The following CDH9 variants were observed in gnomAD, a reference collection of about 807,000 sequenced individuals.
CDH9 encodes cadherin 9.
In CDH9, 28 loss-of-function variants were observed where a neutral mutation model predicts 70.9. The observed-to-expected ratio is 0.40, with a 90% CI of 0.29 to 0.54. The LOEUF is 0.54. Among genes scored for constraint, CDH9 ranks in the 20% least tolerant of loss-of-function variants. The pLI, the probability that CDH9 is intolerant of heterozygous loss-of-function variation, is 0.59. For synonymous variants in CDH9, 409 were observed against 343.1 expected, an observed-to-expected ratio of 1.19 and a Z score of -2.12; for missense variants, 874 against 984.4, an observed-to-expected ratio of 0.89 and a Z score of 1.50.
At chr5:26,921,455 C>T (rs919701716) in intron 2 of CDH9, among the ~76,000 whole-genome samples, 1 of 152,032 alleles carries the variant, frequency 6.6e-6, no homozygotes, top group South Asian at 2.1e-4. Context: ...CACATGCACA[C>T]CAAGTAATAG....
chr5:26,897,194 A>G lies in CDH9; in HGVS notation c.1253+5282T>C, dbSNP rs1248218654. On this transcript the variant is annotated intron_variant, in intron 7 of 11. Coordinates refer to ENST00000231021, the MANE Select transcript of CDH9 (RefSeq NM_016279.4). Reference sequence around the variant, plus strand: ...AGTAATTAATAACCTACCAACAAAAAAAAAGCCCAAGAACAGACGGATTCA... The same window carrying G: ...AGTAATTAATAACCTACCAACAAAAGAAAAGCCCAAGAACAGACGGATTCA... 5.9e-5 allele frequency among the ~76,000 whole-genome samples: 9 copies of G among 152,198 alleles called. 1 individual carries two copies. In the East Asian group the frequency reaches 9.7e-4, roughly 16 times the overall value.
At chr5:26,980,361 C>T (rs899988295) in intron 2 of CDH9, among the ~76,000 whole-genome samples, 14 of 151,710 alleles carry the variant, frequency 9.2e-5, no homozygotes, top group Admixed American at 9.2e-4. Context: ...AATCACCTTC[C>T]TTGGAAATTC....
In CDH9 at chr5:26,970,032, G is replaced by A. The variant is rs184780440; in HGVS notation, c.228+18074C>T. On this transcript the variant is annotated intron_variant, in intron 2 of 11. Transcript: ENST00000231021. ...CCAAAACCAATTTTAAGTCTAGAAG[G>A]TTTATTTTTATATTCTTAAGTTATA... Among the ~76,000 whole-genome samples the A allele has an allele frequency of 2.0e-3, 294 of 150,596 alleles. 1 individual carries two copies. The highest frequency in any genetic ancestry group is 2.7e-3 in the Non-Finnish European group (181 of 67,598).
At chr5:27,037,167 C>A (rs1743407607) in intron 1 of CDH9, among the ~76,000 whole-genome samples, 1 of 151,924 alleles carries the variant, frequency 6.6e-6, no homozygotes, top group South Asian at 2.1e-4. Flanking sequence ...ATGGGTAACT[C>A]TTCCAAATTC....
At chr5:26,976,777 C>A (rs1742308752) in intron 2 of CDH9, among the ~76,000 whole-genome samples, 1 of 151,966 alleles carries the variant, frequency 6.6e-6, no homozygotes, top group Admixed American at 6.6e-5. Flanking sequence ...TGCATACTGG[C>A]CACTTGGATA....
chr5:26,933,052 T>C (rs896763732), intron 2 of CDH9, among the ~76,000 whole-genome samples: 6 of 147,476 alleles, frequency 4.1e-5, no homozygotes, highest in Non-Finnish European at 6.0e-5. Context: ...TTTACTTAAA[T>C]ATAAATATAA....
chr5:27,009,428 G>T lies in CDH9; in HGVS notation c.-49-21046C>A, dbSNP rs374953196. ...AAAGGAGAAGAAAGAGAAACACATG[G>T]CAGCCAATGGAATTTTGTCCTGTTG... is the stretch of plus-strand genomic sequence containing the variant. On this transcript the variant is annotated intron_variant, in intron 1 of 11. Coordinates refer to ENST00000231021, the MANE Select transcript of CDH9 (RefSeq NM_016279.4). Among the ~76,000 whole-genome samples, 214 of 152,226 alleles carry T rather than the reference G, an allele frequency of 1.4e-3. 1 individual carries two copies. The South Asian group carries it at 0.015, about 11-fold the overall frequency.
At chr5:26,943,426 T>A (rs1488883845) in intron 2 of CDH9, among the ~76,000 whole-genome samples, 3 of 150,624 alleles carry the variant, frequency 2.0e-5, no homozygotes, top group Non-Finnish European at 4.4e-5. Context: ...GGCAGGAGAA[T>A]CGCTTGAACC....
chr5:26,952,342 T>A (rs1355884781), intron 2 of CDH9, among the ~76,000 whole-genome samples: 3 of 143,460 alleles, frequency 2.1e-5, no homozygotes, highest in African/African-American at 7.6e-5. Context: ...CGGCCGGGCG[T>A]CTTGGCTCAC....
intron 1 of CDH9, among the ~76,000 whole-genome samples, chr5:27,029,175 G>A (rs1419130904): frequency 6.6e-6 from 1 of 151,764 alleles, no homozygotes. Context: ...ATGAAAACAT[G>A]ACCTTAAACT....
intron 2 of CDH9, among the ~76,000 whole-genome samples, chr5:26,970,757 T>TAA (rs34847605): frequency 6.7e-6 from 1 of 148,992 alleles, no homozygotes; most frequent in Non-Finnish European, 1.5e-5. Context: ...TTTATTTTCT[T>TAA]AAAAAAAAAA....
intron 2 of CDH9, among the ~76,000 whole-genome samples, chr5:26,926,046 C>T (rs1269261293): frequency 6.6e-6 from 1 of 152,146 alleles, no homozygotes; most frequent in Non-Finnish European, 1.5e-5. Flanking sequence ...CAGGGATGCC[C>T]TCTCTCACCA....
At chr5:27,027,019 TA>T (rs1305913980) in intron 1 of CDH9, among the ~76,000 whole-genome samples, 1 of 151,864 alleles carries the variant, frequency 6.6e-6, no homozygotes, top group Non-Finnish European at 1.5e-5. Flanking sequence ...GTAAATAGAT[TA>T]AAAAACCAAA....
intron 2 of CDH9, among the ~76,000 whole-genome samples, chr5:26,971,858 G>A (rs1468754727): frequency 6.6e-6 from 1 of 152,016 alleles, no homozygotes; most frequent in Non-Finnish European, 1.5e-5. Flanking sequence ...CCACTGACCG[G>A]CAGGTGAGAA....
At chr5:26,981,034 C>T (rs1190612742) in intron 2 of CDH9, among the ~76,000 whole-genome samples, 1 of 151,976 alleles carries the variant, frequency 6.6e-6, no homozygotes, top group African/African-American at 2.4e-5. Context: ...ATAACTAACG[C>T]CCCATGTCGG....
intron 1 of CDH9, among the ~76,000 whole-genome samples, chr5:26,994,297 T>C (rs1158620134): frequency 2.0e-5 from 3 of 152,138 alleles, no homozygotes; most frequent in African/African-American, 7.2e-5. Context: ...GTTTTATATG[T>C]GAAAAGGACA....
chr5:26,910,966 A>G (rs1741043076), intron 3 of CDH9, among the ~76,000 whole-genome samples: 1 of 152,208 alleles, frequency 6.6e-6, no homozygotes, highest in South Asian at 2.1e-4. Flanking sequence ...ATGGAATTAT[A>G]AGGGGTCCAT....
At chr5:26,908,572 A>G (rs1258850067) in intron 3 of CDH9, among the ~76,000 whole-genome samples, 1 of 152,178 alleles carries the variant, frequency 6.6e-6, no homozygotes, top group African/African-American at 2.4e-5. Context: ...GGTACAGGTA[A>G]AAACAATCTT....
At chr5:26,943,051 T>C (rs1741689422) in intron 2 of CDH9, among the ~76,000 whole-genome samples, 1 of 152,172 alleles carries the variant, frequency 6.6e-6, no homozygotes, top group Admixed American at 6.5e-5. Flanking sequence ...CTGAGTTCTG[T>C]GGGATGGGAA....
Sources: gnomAD v4.1 joint callset for allele counts (sites outside exome capture counted in the v4.1 genomes callset) on GRCh38, gnomAD v4.1.1 for gene constraint, MANE v1.5 for transcripts, NCBI Gene and HGNC (gene_info 2026-07-23, HGNC 2026-07-21) for gene names.